The following OR6C74 variants were observed in gnomAD, a reference collection of about 807,000 sequenced individuals.
The protein encoded by OR6C74 is olfactory receptor family 6 subfamily C member 74, also known as olfactory receptor 6C74.
For synonymous variants in OR6C74, 142 were observed against 134.2 expected (o/e 1.06, Z -0.40); for missense variants, 361 against 362.9 (o/e 0.99, Z 0.04).
rs1022155432 is a variant in OR6C74 at position 55,254,566 on chromosome 12, G to A, written c.*6340G>A. ...GGATTTAAGAGATAAATTTATTTAG[G>A]ACAGTCATGGGAACTTCATGATTTG... is the stretch of plus-strand genomic sequence containing the variant. On this transcript the variant is annotated 3_prime_UTR_variant, in exon 2 of 2. Coordinates refer to ENST00000343399, the MANE Select transcript of OR6C74 (RefSeq NM_001005490.2). 6.6e-6 allele frequency among the ~76,000 whole-genome samples: 1 copy of A among 152,062 alleles called. No individual in the cohort carries two copies. Among genetic ancestry groups the A allele is most frequent in the Admixed American group, 6.6e-5 (1 of 15,260 alleles).
rs73322885 is a variant in OR6C74 at position 55,249,495 on chromosome 12, C to G, written c.*1269C>G. Among the ~76,000 whole-genome samples, 1 of 151,362 alleles carries G rather than the reference C, an allele frequency of 6.6e-6. No homozygotes were observed. The highest frequency in any genetic ancestry group is 1.5e-5 in the Non-Finnish European group (1 of 67,848). On this transcript the variant is annotated 3_prime_UTR_variant, in exon 2 of 2. Coordinates refer to ENST00000343399, the MANE Select transcript of OR6C74 (RefSeq NM_001005490.2). ...AAGTGTATATAACTTTGTCATATCCCCAGGCTAGCAAGAAATTTTATTTGA... is the reference window on the plus strand; with the variant it reads ...AAGTGTATATAACTTTGTCATATCCGCAGGCTAGCAAGAAATTTTATTTGA...
chr12:55,249,939 T>C lies in OR6C74; in HGVS notation c.*1713T>C, dbSNP rs1172868705. The stretch of plus-strand genomic sequence containing the variant: ...CCTCACAGCAGGCCCCGGTGTGTGA[T>C]GTTCGCCTTCCTGTGTCCAGGTGTT... On this transcript the variant is annotated 3_prime_UTR_variant, in exon 2 of 2. Coordinates refer to ENST00000343399, the MANE Select transcript of OR6C74 (RefSeq NM_001005490.2). Among the ~76,000 whole-genome samples, 1 of 152,098 alleles carries C rather than the reference T, an allele frequency of 6.6e-6. No homozygotes were observed. The highest frequency in any genetic ancestry group is 2.4e-5 in the African/African-American group (1 of 41,422).
In OR6C74 at chr12:55,252,293, AC is replaced by A. The variant is rs1277321639; in HGVS notation, c.*4069del. Among the ~76,000 whole-genome samples, 2 of 151,792 alleles carry A rather than the reference AC, an allele frequency of 1.3e-5. No individual in the cohort carries two copies. Among genetic ancestry groups the A allele is most frequent in the Admixed American group, 6.6e-5 (1 of 15,216 alleles). On this transcript the variant is annotated 3_prime_UTR_variant, in exon 2 of 2. Coordinates refer to ENST00000343399, the MANE Select transcript of OR6C74 (RefSeq NM_001005490.2). ...TGCAAGTCTTATTACAGTTTATTTTACCTTGTACTTAGTTATGTGGGTTGTT... is the reference window on the plus strand; with the variant it reads ...TGCAAGTCTTATTACAGTTTATTTTACTTGTACTTAGTTATGTGGGTTGTT...
chr12:55,246,566 G>T (rs924794714), intron 1 of OR6C74, among the ~76,000 whole-genome samples: 4 of 152,132 alleles, frequency 2.6e-5, no homozygotes, highest in African/African-American at 4.8e-5. Flanking sequence ...CAAATATTCT[G>T]CAAATGCACT....
chr12:55,245,597 G>A (rs1050484837), intron 1 of OR6C74, among the ~76,000 whole-genome samples: 5 of 152,080 alleles, frequency 3.3e-5, no homozygotes, highest in African/African-American at 1.2e-4. Flanking sequence ...CTATCACCCA[G>A]CAAGCATTTT....
chr12:55,253,876 C>G lies in OR6C74; in HGVS notation c.*5650C>G, dbSNP rs1412967398. 2.6e-5 allele frequency among the ~76,000 whole-genome samples: 4 copies of G among 152,056 alleles called. No individual in the cohort carries two copies. The highest frequency in any genetic ancestry group is 5.9e-5 in the Non-Finnish European group (4 of 67,974). On this transcript the variant is annotated 3_prime_UTR_variant, in exon 2 of 2. Transcript: ENST00000343399. ...TCTGTAATTGAATAAGGAGCTTTAA[C>G]TCCATTATGATGGCTAATTCATTCT...
intron 1 of OR6C74, among the ~76,000 whole-genome samples, chr12:55,245,160 C>T (rs73322873): frequency 0.016 from 2,502 of 152,038 alleles, 65 homozygotes; most frequent in African/African-American, 0.05. Flanking sequence ...TTTTACAAAG[C>T]AAACATTAAG....
At position 55,254,792 on chromosome 12, in the gene OR6C74, G is replaced by A. The variant is rs1954332696; in HGVS notation, c.*6566G>A. Among the ~76,000 whole-genome samples, 1 of 152,082 alleles carries A rather than the reference G, an allele frequency of 6.6e-6. No individual in the cohort carries two copies. Among genetic ancestry groups the A allele is most frequent in the Non-Finnish European group, 1.5e-5 (1 of 67,994 alleles). On this transcript the variant is annotated 3_prime_UTR_variant, in exon 2 of 2. Transcript: ENST00000343399. ...GCCTTAAATATAAGCTTCTTTCCAA[G>A]TGATAATATTTGATGCCATAGACTT...
rs1181403067 is a variant in OR6C74, at chr12:55,248,627, T to C, written c.*401T>C. Among the ~76,000 whole-genome samples the C allele has an allele frequency of 6.6e-6, 1 of 152,220 alleles. No homozygotes were observed. Among genetic ancestry groups the C allele is most frequent in the Non-Finnish European group, 1.5e-5 (1 of 68,032 alleles). ...GTTTGATCACTTAACGCGTGCATTA[T>C]TGGTGGATACAAAAGTGAAATCTGC... On this transcript the variant is annotated 3_prime_UTR_variant, in exon 2 of 2. Coordinates refer to ENST00000343399, the MANE Select transcript of OR6C74 (RefSeq NM_001005490.2).
chr12:55,247,363 T>C lies in OR6C74; in HGVS notation c.76T>C (p.Phe26Leu). The change falls in exon 2 of 2, where the codon TTT becomes CTT. Residue 26 changes from phenylalanine to leucine, a missense_variant. Coordinates refer to ENST00000343399, the MANE Select transcript of OR6C74 (RefSeq NM_001005490.2). ...TDDPQLQVII[F>L]LLLFFTYMLS... ...TGATCCACAATTACAGGTGATTATT[T>C]TTCTTCTCCTTTTTTTCACCTACAT... 6.2e-7 allele frequency: 1 copy of C among 1,612,328 alleles called. No homozygotes were observed. Among genetic ancestry groups the C allele is most frequent in the Non-Finnish European group, 8.5e-7 (1 of 1,178,448 alleles).
At chr12:55,247,251 T>C in intron 1 of OR6C74, 28 bp from the exon 2 acceptor site, 1 of 1,329,938 alleles carries the variant, frequency 7.5e-7, no homozygotes, top group South Asian at 1.4e-5. Flanking sequence ...TCTTCTGTTC[T>C]AATTTTTCTT....
rs1044330305 is a variant in OR6C74, at chr12:55,247,992, A to G, written c.705A>G (p.Ala235=). ...CTTCTTCTCAACAGAGAAAAAAAGC[A>G]TTTTCTACATGTTCTTCCCACATGG... ...KIPSSQQRKK[A]FSTCSSHMVV... Residue 235 remains alanine (A), a synonymous_variant, in exon 2 of 2, where the codon GCA becomes GCG. Coordinates refer to ENST00000343399, the MANE Select transcript of OR6C74 (RefSeq NM_001005490.2). 7 of 1,613,722 alleles carry G rather than the reference A, an allele frequency of 4.3e-6. No homozygotes were observed. The African/African-American group carries it at 5.3e-5, about 12-fold the overall frequency.
In OR6C74 at chr12:55,255,274, C is replaced by A. The variant is rs1348805480; in HGVS notation, c.*7048C>A. On this transcript the variant is annotated 3_prime_UTR_variant, in exon 2 of 2. Coordinates refer to ENST00000343399, the MANE Select transcript of OR6C74 (RefSeq NM_001005490.2). Reference sequence around the variant, plus strand: ...ATTGCACCCCCTGGGGACTGGGAGGCAAAGGGAACGAGGAAACAACAGATG... The same window carrying A: ...ATTGCACCCCCTGGGGACTGGGAGGAAAAGGGAACGAGGAAACAACAGATG... Among the ~76,000 whole-genome samples, 3 of 151,924 alleles carry A rather than the reference C, an allele frequency of 2.0e-5. No individual in the cohort carries two copies. The highest frequency in any genetic ancestry group is 6.6e-5 in the Admixed American group (1 of 15,216).
chr12:55,247,503 A>C lies in OR6C74; in HGVS notation c.216A>C (p.Thr72=), dbSNP rs2136313493. ...TCTCATTTTTAGAAGTCTCATTCAC[A>C]ACTGTCTACATTCCCAAATTTCTTG... ...RNFSFLEVSF[T]TVYIPKFLVS... Residue 72 remains threonine, a synonymous_variant, in exon 2 of 2, where the codon ACA becomes ACC. Coordinates refer to ENST00000343399, the MANE Select transcript of OR6C74 (RefSeq NM_001005490.2). 1.2e-6 allele frequency: 2 copies of C among 1,613,576 alleles called. No homozygotes were observed. The highest frequency in any genetic ancestry group is 1.7e-6 in the Non-Finnish European group (2 of 1,179,752).
Position 55,254,390 on chromosome 12 carries a change from T to G in OR6C74, c.*6164T>G, listed in dbSNP as rs1380775651. On this transcript the variant is annotated 3_prime_UTR_variant, in exon 2 of 2. Coordinates refer to ENST00000343399, the MANE Select transcript of OR6C74 (RefSeq NM_001005490.2). ...TACATATATGAAATACATACACACA[T>G]ATATGTAATTCCCAGTTGGGATCCT... 1.3e-5 allele frequency among the ~76,000 whole-genome samples: 2 copies of G among 152,128 alleles called. No homozygotes were observed. Among genetic ancestry groups the G allele is most frequent in the Non-Finnish European group, 2.9e-5 (2 of 67,990 alleles).
rs1234642844 is a variant in OR6C74, at chr12:55,248,086, T to C, written c.799T>C (p.Ser267Pro). 1.2e-6 allele frequency: 2 copies of C among 1,613,978 alleles called. No individual in the cohort carries two copies. Among genetic ancestry groups the C allele is most frequent in the East Asian group, 2.2e-5 (1 of 44,888 alleles). The change falls in exon 2 of 2, where the codon TCA becomes CCA. Residue 267 changes from serine to proline, a missense_variant. Transcript: ENST00000343399. The stretch of plus-strand genomic sequence containing the variant: ...GAAACCCTCAGCAAAAGAAAGAGTG[T>C]CATTAAATAAAGGGATAGCTCTGCT... ...YVKPSAKERVSLNKGIALLST... is the reference protein window; with the variant it reads ...YVKPSAKERVPLNKGIALLST...
chr12:55,246,147 G>A (rs541652313), intron 1 of OR6C74, among the ~76,000 whole-genome samples: 3 of 152,254 alleles, frequency 2.0e-5, no homozygotes, highest in African/African-American at 7.2e-5. Context: ...TGATAAACGT[G>A]AGGACCTAAG....
chr12:55,248,745 C>T lies in OR6C74; in HGVS notation c.*519C>T, dbSNP rs1954293558. 6.6e-6 allele frequency among the ~76,000 whole-genome samples: 1 copy of T among 152,134 alleles called. No homozygotes were observed. Among genetic ancestry groups the T allele is most frequent in the South Asian group, 2.1e-4 (1 of 4,814 alleles). On this transcript the variant is annotated 3_prime_UTR_variant, in exon 2 of 2. Coordinates refer to ENST00000343399, the MANE Select transcript of OR6C74 (RefSeq NM_001005490.2). ...TTTAATAGCTTCAATTTTTTTTAAC[C>T]AGGCTTAGAGATATAGTATACTCTC...
At chr12:55,246,475 C>T (rs571612894) in intron 1 of OR6C74, among the ~76,000 whole-genome samples, 35 of 152,322 alleles carry the variant, frequency 2.3e-4, no homozygotes, top group African/African-American at 8.2e-4. Context: ...CTGCCTCATT[C>T]TTCCAAGTAG....
Sources: allele counts gnomAD v4.1 joint callset (sites outside exome capture counted in the v4.1 genomes callset), GRCh38; gene constraint gnomAD v4.1.1; transcripts MANE v1.5; gene names NCBI Gene and HGNC (gene_info 2026-07-23, HGNC 2026-07-21).